The following KANTR variants were observed in gnomAD, a reference collection of about 807,000 sequenced individuals.
The protein encoded by KANTR is KDM5C adjacent transcript.
At chrX:53,096,688 T>C (rs1932847387) in intron 1 of KANTR, among the ~76,000 whole-genome samples, 1 of 104,591 alleles carries the variant, frequency 9.6e-6, no homozygotes, top group Non-Finnish European at 1.9e-5. Context: ...TAGCCGGGTG[T>C]TGTGGTGCAC....
chrX:53,121,579 C>A (rs1556815522), intron 2 of KANTR, among the ~76,000 whole-genome samples: 1 of 96,441 alleles, frequency 1.0e-5, no homozygotes, highest in South Asian at 5.5e-4. Context: ...TGGTCTATGA[C>A]AGTTTCTCAG....
chrX:53,105,538 G>A (rs954483716), intron 2 of KANTR, among the ~76,000 whole-genome samples: 1 of 108,979 alleles, frequency 9.2e-6, no homozygotes, highest in Non-Finnish European at 1.9e-5. Flanking sequence ...CATCCAGGGT[G>A]GAGTGCAGTG....
chrX:53,135,777 C>T (rs1424417915), intron 2 of KANTR, among the ~76,000 whole-genome samples: 1 of 111,876 alleles, frequency 8.9e-6, no homozygotes, highest in African/African-American at 3.3e-5. Flanking sequence ...TCCCAGCCAA[C>T]TTGTGGACAG....
intron 2 of KANTR, among the ~76,000 whole-genome samples, chrX:53,113,947 G>A (rs1933084216): frequency 9.1e-6 from 1 of 110,202 alleles, no homozygotes; most frequent in Non-Finnish European, 1.9e-5. Context: ...CACCCAGGCT[G>A]GAGTGCAGTG....
chrX:53,127,648 A>G (rs111955926), downstream of KANTR, among the ~76,000 whole-genome samples: 3,081 of 111,613 alleles, frequency 0.028, 127 homozygotes, highest in African/African-American at 0.096. Context: ...GCAAAGCCCC[A>G]TATTTTCTGA....
At chrX:53,146,627 A>T (rs1266002711), downstream of KANTR, among the ~76,000 whole-genome samples, 1 of 111,463 alleles carries the variant, frequency 9.0e-6, no homozygotes, top group South Asian at 3.7e-4. Context: ...CAAACACCAC[A>T]AAGGTACTCC....
chrX:53,104,291 A>G (rs1932920038), intron 2 of KANTR, among the ~76,000 whole-genome samples: 1 of 110,539 alleles, frequency 9.0e-6, no homozygotes, highest in African/African-American at 3.3e-5. Context: ...CAGTGGTACA[A>G]TCTCGGCTCA....
downstream of KANTR, among the ~76,000 whole-genome samples, chrX:53,131,101 G>A (rs782417802): frequency 4.5e-5 from 5 of 111,185 alleles, no homozygotes; most frequent in Admixed American, 4.8e-4. Flanking sequence ...CAAGACTGCT[G>A]CCAGGAGTTG....
At chrX:53,101,961 C>T (rs1556811937) in intron 2 of KANTR, among the ~76,000 whole-genome samples, 1 of 106,522 alleles carries the variant, frequency 9.4e-6, no homozygotes, top group African/African-American at 3.5e-5. Context: ...GATCACGCCA[C>T]TGCACTCTAG....
At chrX:53,132,658 C>T (rs1188698283) in intron 2 of KANTR, among the ~76,000 whole-genome samples, 2 of 111,337 alleles carry the variant, frequency 1.8e-5, no homozygotes, top group Non-Finnish European at 3.8e-5. Context: ...GCACTATCCC[C>T]ATGGGCCCTC....
intron 1 of KANTR, among the ~76,000 whole-genome samples, chrX:53,095,623 C>T (rs1303840288): frequency 9.1e-6 from 1 of 109,857 alleles, no homozygotes; most frequent in African/African-American, 3.3e-5. Context: ...ATATATCGCA[C>T]ATATATATGC....
At chrX:53,145,838 C>A (rs1933569106), downstream of KANTR, among the ~76,000 whole-genome samples, 1 of 112,104 alleles carries the variant, frequency 8.9e-6, no homozygotes, top group African/African-American at 3.2e-5. Context: ...ATTTGCTGTT[C>A]ACCAATATCT....
At chrX:53,134,687 T>C (rs1232793376) in intron 2 of KANTR, among the ~76,000 whole-genome samples, 1 of 111,789 alleles carries the variant, frequency 8.9e-6, no homozygotes, top group African/African-American at 3.3e-5. Flanking sequence ...CACATTGGAA[T>C]ATCTGCCTAT....
downstream of KANTR, among the ~76,000 whole-genome samples, chrX:53,147,445 C>T (rs1933592609): frequency 1.8e-5 from 2 of 111,626 alleles, no homozygotes; most frequent in Non-Finnish European, 1.9e-5. Flanking sequence ...GCACCCAATA[C>T]AAGAGCACCT....
intron 2 of KANTR, among the ~76,000 whole-genome samples, chrX:53,121,507 G>A (rs1338955458): frequency 9.1e-6 from 1 of 109,754 alleles, no homozygotes; most frequent in Non-Finnish European, 1.9e-5. Context: ...TCCTTTTTTT[G>A]TTCCAGGATC....
exon 3 of KANTR, chrX:53,142,658 A>G (rs192011239): frequency 3.6e-4 from 121 of 337,726 alleles, no homozygotes; most frequent in Non-Finnish European, 5.6e-4. Context: ...TGAGGCTAGC[A>G]TGAGGTGTAT....
intron 2 of KANTR, among the ~76,000 whole-genome samples, chrX:53,105,069 G>C (rs1182902316): frequency 1.8e-5 from 2 of 110,352 alleles, no homozygotes; most frequent in African/African-American, 6.6e-5. Context: ...ATTTTTTGTA[G>C]AGATGGGGTT....
At chrX:53,132,388 A>G (rs72620322), downstream of KANTR, among the ~76,000 whole-genome samples, 8 of 111,966 alleles carry the variant, frequency 7.1e-5, no homozygotes, top group East Asian at 2.2e-3. Flanking sequence ...TCCAGTTGCA[A>G]ACAGGTCTAC....
intron 2 of KANTR, among the ~76,000 whole-genome samples, chrX:53,141,360 C>T (rs1933499449): frequency 9.0e-6 from 1 of 110,829 alleles, no homozygotes; most frequent in Admixed American, 9.6e-5. Flanking sequence ...TGATTTTTGC[C>T]TTCCTCCTGC....
Sources: gnomAD v4.1 joint callset for allele counts (sites outside exome capture counted in the v4.1 genomes callset) on GRCh38, gnomAD v4.1.1 for gene constraint, MANE v1.5 for transcripts, NCBI Gene and HGNC (gene_info 2026-07-23, HGNC 2026-07-21) for gene names.